LGALS8: variants seen among roughly 807,000 people sequenced by gnomAD.
The protein encoded by LGALS8 is galectin 8, also known as galectin-8.
Under a neutral mutation model 35.9 loss-of-function variants are expected in LGALS8, and 30 were observed. The ratio of observed to expected loss-of-function variants is 0.83; its 90% CI spans 0.62 to 1.13. The LOEUF (loss-of-function observed/expected upper bound fraction) is 1.13. Ranked by LOEUF, LGALS8 falls within the 50% of genes most tolerant of loss-of-function variation. LGALS8 has a pLI of 0.00. For missense variants in LGALS8, 366 were observed against 388.7 expected, an observed-to-expected ratio of 0.94 and a Z score of 0.49; for synonymous variants, 138 against 136.1, an observed-to-expected ratio of 1.01 and a Z score of -0.10.
At chr1:236,527,004 T>G (rs1286330737) in intron 2 of LGALS8, among the ~76,000 whole-genome samples, 1 of 152,166 alleles carries the variant, frequency 6.6e-6, no homozygotes, top group Non-Finnish European at 1.5e-5. Flanking sequence ...TCAGTGGTAG[T>G]AAGTTTAAAA....
At chr1:236,527,203 A>G (rs1050555936) in intron 2 of LGALS8, among the ~76,000 whole-genome samples, 5 of 152,222 alleles carry the variant, frequency 3.3e-5, no homozygotes, top group Non-Finnish European at 5.9e-5. Flanking sequence ...GAATGGATAA[A>G]GGTTACACTG....
chr1:236,546,002 C>T (rs1338877051), intron 9 of LGALS8, among the ~76,000 whole-genome samples: 3 of 152,160 alleles, frequency 2.0e-5, no homozygotes, highest in Non-Finnish European at 2.9e-5. Context: ...TGGTGGGTGA[C>T]AGGAAACCAA....
In LGALS8 at chr1:236,542,073, C is replaced by T. The variant is rs143726638; in HGVS notation, c.522+363C>T. Among the ~76,000 whole-genome samples the T allele has an allele frequency of 8.7e-4, 132 of 152,296 alleles. 1 individual carries two copies. The highest frequency in any genetic ancestry group is 1.4e-3 in the Non-Finnish European group (92 of 68,032). On this transcript the variant is annotated intron_variant, in intron 6 of 9. Transcript: ENST00000366584. ...AGAATAACTGCAATTTAAAAATGCG[C>T]TGTTATTAATGGAGAAAGTGAGGTC...
intron 9 of LGALS8, among the ~76,000 whole-genome samples, chr1:236,547,169 G>A (rs2103110959): frequency 6.6e-6 from 1 of 152,336 alleles, no homozygotes; most frequent in Non-Finnish European, 1.5e-5. Context: ...GGAGAGCTCA[G>A]TGCAGGGCCT....
At chr1:236,518,382 G>A (rs1660458815) in intron 1 of LGALS8, 1 of 152,104 alleles carries the variant, frequency 6.6e-6, no homozygotes. Flanking sequence ...GGGGAGATTA[G>A]GTCAAAGCAA....
At chr1:236,534,428 T>C (rs1413391005) in intron 2 of LGALS8, among the ~76,000 whole-genome samples, 3 of 152,200 alleles carry the variant, frequency 2.0e-5, no homozygotes, top group African/African-American at 7.2e-5. Context: ...GCTTGTGGTA[T>C]TGTCTCCAGT....
chr1:236,546,465 T>TTG (rs750726813), intron 9 of LGALS8, among the ~76,000 whole-genome samples: 1 of 152,132 alleles, frequency 6.6e-6, no homozygotes, highest in Non-Finnish European at 1.5e-5. Context: ...TACACTTTAG[T>TTG]TGTATCTACA....
Position 236,552,838 on chromosome 1 carries a change from T to C in LGALS8, c.*4677T>C, listed in dbSNP as rs1239753864. The C allele has an allele frequency of 2.0e-5, 3 of 152,238 alleles. No homozygotes were observed. Among genetic ancestry groups the C allele is most frequent in the South Asian group, 2.1e-4 (1 of 4,826 alleles). The allele number at this position is 152,238 out of a possible 1,614,324, so 9.4% of individuals were successfully genotyped here. A position where few individuals can be genotyped will look rare whatever the true frequency, so the allele number is the denominator to read the frequency against. ...TAGATTCAATCAGGATTTCCTTGAT[T>C]TGTGCAAAGTAAAATATTACAATAA... is the stretch of plus-strand genomic sequence containing the variant. On this transcript the variant is annotated 3_prime_UTR_variant, in exon 10 of 10. Transcript: ENST00000366584.
At chr1:236,545,199 C>CAGGACTGGAGTCACACATTT (rs1662287992) in intron 9 of LGALS8, 1 of 242,086 alleles carries the variant, frequency 4.1e-6, no homozygotes, top group Non-Finnish European at 8.1e-6. Context: ...AAGCTTGTCT[C>CAGGACTGGAGTCACACATTT]AGGACTGGAG....
In LGALS8 at chr1:236,534,739, A is replaced by G. The variant is rs1661363463; in HGVS notation, c.46-2758A>G. On this transcript the variant is annotated intron_variant, in intron 2 of 9. Transcript: ENST00000366584. ...GTTTCTCAAACTGGAACAACCTATA[A>G]ACAGTTGTGAACAAGGTATTAGAAG... is the stretch of plus-strand genomic sequence containing the variant. 4.6e-5 allele frequency among the ~76,000 whole-genome samples: 7 copies of G among 152,314 alleles called. No homozygotes were observed. In the South Asian group the frequency reaches 1.5e-3, roughly 32 times the overall value.
At chr1:236,537,949 T>A (rs2489150) in intron 3 of LGALS8, among the ~76,000 whole-genome samples, 87,024 of 143,786 alleles carry the variant, frequency 0.61, 27,392 homozygotes, top group Non-Finnish European at 0.69. Context: ...AAAAAAAAAA[T>A]TTAAAAATTA....
Position 236,550,992 on chromosome 1 carries a change from T to TAAC in LGALS8, c.*2833_*2834insCAA. The TAAC allele has an allele frequency of 8.0e-7, 1 of 1,254,990 alleles. No individual in the cohort carries two copies. The highest frequency in any genetic ancestry group is 1.1e-6 in the Non-Finnish European group (1 of 934,374). 77.7% of individuals were successfully genotyped at this position (1,254,990 alleles called of 1,614,324 possible). On this transcript the variant is annotated 3_prime_UTR_variant, in exon 10 of 10. Transcript: ENST00000366584. The stretch of plus-strand genomic sequence containing the variant: ...GATGTTCTACTTCTTCACATTCATC[T>TAAC]AAAAAAAAAAAAAAAAAATCAAAAT...
chr1:236,528,781 A>C (rs1660975727), intron 2 of LGALS8, among the ~76,000 whole-genome samples: 1 of 151,860 alleles, frequency 6.6e-6, no homozygotes, highest in South Asian at 2.1e-4. Flanking sequence ...TCGGCCTCCC[A>C]AAGTGTTGGG....
chr1:236,544,647 G>C, intron 8 of LGALS8, 103 bp from the exon 9 acceptor site: 2 of 852,756 alleles, frequency 2.3e-6, no homozygotes, highest in Non-Finnish European at 3.5e-6. Context: ...GTTTCATAGA[G>C]TTAGAATCAT....
chr1:236,525,084 C>T (rs562887153), intron 1 of LGALS8, among the ~76,000 whole-genome samples: 2 of 152,236 alleles, frequency 1.3e-5, no homozygotes, highest in South Asian at 4.1e-4. Flanking sequence ...AAAAATGTGG[C>T]TGATGCTTTC....
upstream of LGALS8, among the ~76,000 whole-genome samples, chr1:236,522,680 T>C (rs1660588669): frequency 6.6e-6 from 1 of 152,212 alleles, no homozygotes; most frequent in East Asian, 1.9e-4. Flanking sequence ...CTGGAGACTG[T>C]ATAAGACAAG....
At position 236,533,636 on chromosome 1, in the gene LGALS8, CAT is replaced by C. The variant is rs1491180220; in HGVS notation, c.46-3860_46-3859del. ...GGTGTTAGCCACTGCGCCTGACCCC[CAT>C]TTTTTTTTTTTTTAAAGATGTTGAA... On this transcript the variant is annotated intron_variant, in intron 2 of 9. Coordinates refer to ENST00000366584, the MANE Select transcript of LGALS8 (RefSeq NM_201544.4). 1.5e-4 allele frequency among the ~76,000 whole-genome samples: 18 copies of C among 124,092 alleles called. No individual in the cohort carries two copies. In the East Asian group the frequency reaches 1.9e-3, roughly 13 times the overall value. 81.4% of individuals were successfully genotyped at this position (124,092 alleles called of 152,430 possible).
At chr1:236,518,968 A>C (rs1457163611), upstream of LGALS8, among the ~76,000 whole-genome samples, 6 of 152,182 alleles carry the variant, frequency 3.9e-5, no homozygotes, top group Non-Finnish European at 7.3e-5. Context: ...TATGGCATCT[A>C]TTTCTGTTTA....
At chr1:236,541,600 T>C in intron 5 of LGALS8, 54 bp from the exon 6 acceptor site, 2 of 503,892 alleles carry the variant, frequency 4.0e-6, no homozygotes, top group Non-Finnish European at 6.8e-6. Flanking sequence ...ATAAAATATT[T>C]AGAAAATATT....
Sources: gnomAD v4.1 joint callset for allele counts (sites outside exome capture counted in the v4.1 genomes callset) on GRCh38, gnomAD v4.1.1 for gene constraint, MANE v1.5 for transcripts, NCBI Gene and HGNC (gene_info 2026-07-23, HGNC 2026-07-21) for gene names.